ARID2: variants seen among roughly 807,000 people sequenced by gnomAD.
ARID2 encodes AT-rich interaction domain 2.
In ARID2, 32 loss-of-function variants were observed where a neutral mutation model predicts 184.6. The observed-to-expected ratio is 0.17, with a 90% CI of 0.13 to 0.23. ARID2 has a LOEUF of 0.23. ARID2 is among the 10% of genes least tolerant of loss of function. ARID2 has a pLI of 1.00. For synonymous variants in ARID2, 836 were observed against 772.6 expected (o/e 1.08, Z -1.36); for missense variants, 1,696 against 2,197.6 (o/e 0.77, Z 4.56).
At chr12:45,827,317 G>A (rs549354813) in intron 6 of ARID2, among the ~76,000 whole-genome samples, 16 of 152,134 alleles carry the variant, frequency 1.1e-4, no homozygotes, top group Middle Eastern at 3.4e-3. Context: ...ACATTTATCT[G>A]ATAATATCTG....
chr12:45,876,375 A>C (rs974990959), intron 16 of ARID2, among the ~76,000 whole-genome samples: 2 of 151,960 alleles, frequency 1.3e-5, no homozygotes, highest in Non-Finnish European at 2.9e-5. Context: ...ACATGGAGAA[A>C]CCCTGTTTCT....
At chr12:45,733,073 A>T (rs996908229) in intron 3 of ARID2, among the ~76,000 whole-genome samples, 1 of 152,142 alleles carries the variant, frequency 6.6e-6, no homozygotes, top group Admixed American at 6.5e-5. Context: ...TGCTTTTTGA[A>T]CTATGTCCTT....
At chr12:45,902,235 G>C (rs904080565) in intron 20 of ARID2, among the ~76,000 whole-genome samples, 1 of 151,970 alleles carries the variant, frequency 6.6e-6, no homozygotes, top group Non-Finnish European at 1.5e-5. Context: ...GGCATGTTTT[G>C]TTTTATATCA....
rs1289867546 is a variant in ARID2, at chr12:45,848,967, T to A, written c.1712T>A (p.Leu571His). The A allele has an allele frequency of 6.2e-7, 1 of 1,611,096 alleles. No homozygotes were observed. Among genetic ancestry groups the A allele is most frequent in the Non-Finnish European group, 8.5e-7 (1 of 1,178,422 alleles). ...ILTSTGFYKC[L>H]RTVFPNHTVK... The stretch of plus-strand genomic sequence containing the variant: ...ACATCAACTGGATTTTATAAATGTC[T>A]TAGGTAGGATCCATAGTTCTTTAAA... The change falls in exon 13 of 21, where the codon CTT becomes CAT. Residue 571 changes from leucine (L) to histidine (H), a missense_variant. Physicochemically the swap from Leu to His is moderately conservative, Grantham distance 99. Coordinates refer to ENST00000334344, the MANE Select transcript of ARID2 (RefSeq NM_152641.4).
chr12:45,833,710 A>G (rs1943163465), intron 6 of ARID2, among the ~76,000 whole-genome samples: 2 of 152,176 alleles, frequency 1.3e-5, no homozygotes, highest in African/African-American at 2.4e-5. Context: ...CTACTTAGGT[A>G]TGACATTTTG....
chr12:45,800,021 T>C (rs1419081464), intron 3 of ARID2, among the ~76,000 whole-genome samples: 5 of 152,086 alleles, frequency 3.3e-5, no homozygotes, highest in Non-Finnish European at 7.4e-5. Flanking sequence ...AGCCAATTTT[T>C]AAATTTTATG....
chr12:45,732,411 C>G lies in ARID2; in HGVS notation c.284+1097C>G, dbSNP rs539503350. ...TCTTAGATTGACTTCAGGCTTGAAG[C>G]TGGAGTTCGCAGAACTTTGTGGAGT... On this transcript the variant is annotated intron_variant, in intron 3 of 20. Transcript: ENST00000334344. Among the ~76,000 whole-genome samples the G allele has an allele frequency of 5.3e-5, 8 of 152,292 alleles. No individual in the cohort carries two copies. The South Asian group carries it at 1.7e-3, about 32-fold the overall frequency.
In ARID2 at chr12:45,901,154, A is replaced by ATTTTTTTTTT. The variant is rs71067909; in HGVS notation, c.5364-3755_5364-3746dup. On this transcript the variant is annotated intron_variant, in intron 20 of 20. Transcript: ENST00000334344. ...AATCTATTTTTTGGAAATTTCCTTAATTTTTTTTTTTTTTTTTTTTTTTTT... is the reference window on the plus strand; with the variant it reads ...AATCTATTTTTTGGAAATTTCCTTAATTTTTTTTTTTTTTTTTTTTTTTTTTTTTTTTTTT... Among the ~76,000 whole-genome samples, 41 of 44,962 alleles carry ATTTTTTTTTT rather than the reference A, an allele frequency of 9.1e-4. 7 individuals carry two copies. The highest frequency in any genetic ancestry group is 1.1e-3 in the African/African-American group (8 of 7,160). 29.5% of individuals were successfully genotyped at this position (44,962 alleles called of 152,430 possible). A position where few individuals can be genotyped will look rare whatever the true frequency, so the allele number is the denominator to read the frequency against.
chr12:45,816,226 A>G (rs543964174), intron 4 of ARID2, among the ~76,000 whole-genome samples: 2 of 152,220 alleles, frequency 1.3e-5, no homozygotes, highest in African/African-American at 2.4e-5. Context: ...TCTCCTGTGG[A>G]AAATCTTAGT....
intron 3 of ARID2, among the ~76,000 whole-genome samples, chr12:45,754,531 C>G (rs1489638610): frequency 6.6e-6 from 1 of 152,220 alleles, no homozygotes. Context: ...GTGCCATTTT[C>G]CCTGTCTGGA....
At chr12:45,899,060 T>G (rs1452036845) in intron 20 of ARID2, among the ~76,000 whole-genome samples, 1 of 148,082 alleles carries the variant, frequency 6.8e-6, no homozygotes, top group Admixed American at 6.7e-5. Flanking sequence ...AATCACGAGG[T>G]CAAGATATTG....
chr12:45,777,430 A>G (rs866125618), intron 3 of ARID2, among the ~76,000 whole-genome samples: 1 of 152,278 alleles, frequency 6.6e-6, no homozygotes, highest in Middle Eastern at 3.4e-3. Flanking sequence ...TGTGTATAAT[A>G]TATAGAAGAT....
intron 15 of ARID2, among the ~76,000 whole-genome samples, chr12:45,854,196 G>A (rs898214360): frequency 6.6e-6 from 1 of 152,170 alleles, no homozygotes; most frequent in Middle Eastern, 3.2e-3. Flanking sequence ...CTGTCAAGTT[G>A]CAGGAAAACA....
At chr12:45,748,808 G>A (rs1941407548) in intron 3 of ARID2, among the ~76,000 whole-genome samples, 1 of 151,298 alleles carries the variant, frequency 6.6e-6, no homozygotes, top group Non-Finnish European at 1.5e-5. Flanking sequence ...CATTTTCTTT[G>A]CTCATCCCTG....
chr12:45,730,114 A>G lies in ARID2; in HGVS notation c.163A>G (p.Thr55Ala). The change falls in exon 2 of 21, where the codon ACT becomes GCT. Residue 55 changes from threonine to alanine, a missense_variant. This residue lies in a region of ARID2 where 148 missense variants were observed against 285.4 expected (regional missense o/e 0.52). Transcript: ENST00000334344. ...LDLHGLYTRV[T>A]TLGGFAKVSE... ...TCTTCACGGTCTCTACACCAGAGTC[A>G]CTACTTTAGGCGGATTCGCGAAGGT... 6.2e-7 allele frequency: 1 copy of G among 1,613,520 alleles called. No homozygotes were observed. The highest frequency in any genetic ancestry group is 1.1e-5 in the South Asian group (1 of 91,046).
intron 3 of ARID2, among the ~76,000 whole-genome samples, chr12:45,736,106 C>T (rs1183783128): frequency 6.6e-6 from 1 of 152,078 alleles, no homozygotes; most frequent in African/African-American, 2.4e-5. Context: ...CCCTGTAATC[C>T]CAACACTTTG....
intron 18 of ARID2, 131 bp downstream of exon 18, chr12:45,892,227 G>A: frequency 1.2e-6 from 1 of 825,260 alleles, no homozygotes; most frequent in East Asian, 2.7e-5. Flanking sequence ...CCATGAACCA[G>A]CAATGTGACC....
intron 3 of ARID2, among the ~76,000 whole-genome samples, chr12:45,752,160 G>GA (rs1418760204): frequency 9.9e-5 from 15 of 152,074 alleles, no homozygotes; most frequent in Admixed American, 9.8e-4. Context: ...TCCATGGAGG[G>GA]AAAATATCAA....
rs144841284 is a variant in ARID2, at chr12:45,805,608, A to T, written c.285-5810A>T. Among the ~76,000 whole-genome samples, 3 of 152,200 alleles carry T rather than the reference A, an allele frequency of 2.0e-5. No homozygotes were observed. The East Asian group carries it at 5.8e-4, about 29-fold the overall frequency. On this transcript the variant is annotated intron_variant, in intron 3 of 20. Transcript: ENST00000334344. Reference sequence around the variant, plus strand: ...TGCTACCTAACCATTCCGACATTTTAAAAAATTTTCCAGCTTTATTGAGGT... The same window carrying T: ...TGCTACCTAACCATTCCGACATTTTTAAAAATTTTCCAGCTTTATTGAGGT...
Sources: gnomAD v4.1 joint callset for allele counts (sites outside exome capture counted in the v4.1 genomes callset) on GRCh38, gnomAD v4.1.1 for gene constraint, gnomAD v4.1.1 regional missense constraint, MANE v1.5 for transcripts, NCBI Gene and HGNC (gene_info 2026-07-23, HGNC 2026-07-21) for gene names.